ARFGEF3: variants seen among roughly 807,000 people sequenced by gnomAD.
ARFGEF3 encodes ARFGEF family member 3.
In ARFGEF3, 96 loss-of-function variants were observed where a neutral mutation model predicts 221.7. The observed-to-expected ratio is 0.43, with a 90% confidence interval of 0.37 to 0.51. The LOEUF is 0.51. Ranked by LOEUF, ARFGEF3 falls within the 20% of genes least tolerant of loss-of-function variation. ARFGEF3 has a pLI of 0.00. For missense variants in ARFGEF3, 2,410 were observed against 2,789.9 expected, an observed-to-expected ratio of 0.86 and a Z score of 3.07; for synonymous variants, 1,145 against 1,126.8, an observed-to-expected ratio of 1.02 and a Z score of -0.32.
chr6:138,172,510 T>C (rs567329576), intron 2 of ARFGEF3, among the ~76,000 whole-genome samples: 2 of 152,322 alleles, frequency 1.3e-5, no homozygotes, highest in East Asian at 1.9e-4. Context: ...GTGTCCATAC[T>C]GGTAAAGGGA....
chr6:138,282,580 G>C (rs974813135), intron 14 of ARFGEF3, among the ~76,000 whole-genome samples: 3 of 152,208 alleles, frequency 2.0e-5, no homozygotes. Context: ...ATACAGTGAG[G>C]TCTGTCCATG....
intron 2 of ARFGEF3, among the ~76,000 whole-genome samples, chr6:138,192,695 G>A (rs1024577164): frequency 6.6e-6 from 1 of 152,238 alleles, no homozygotes; most frequent in Admixed American, 6.5e-5. Context: ...CAGAGCTGGG[G>A]CGCTCCAGAG....
At chr6:138,238,844 C>T (rs369044712) in intron 6 of ARFGEF3, among the ~76,000 whole-genome samples, 6 of 152,166 alleles carry the variant, frequency 3.9e-5, no homozygotes, top group South Asian at 2.1e-4. Flanking sequence ...TTGCAGTTTC[C>T]GTGATTTTTT....
rs1387663511 is a variant in ARFGEF3, at chr6:138,256,757, T to A, written c.1104+988T>A. ...ATATATTTTTTTAATTCATAATAAA[T>A]TTGTGAGGTTGTATATCAACTTTTA... On this transcript the variant is annotated intron_variant, in intron 10 of 33. Coordinates refer to ENST00000251691, the MANE Select transcript of ARFGEF3 (RefSeq NM_020340.5). Among the ~76,000 whole-genome samples, 9 of 152,258 alleles carry A rather than the reference T, an allele frequency of 5.9e-5. No homozygotes were observed. The East Asian group carries it at 1.7e-3, about 29-fold the overall frequency.
In ARFGEF3 at chr6:138,263,247, A is replaced by G; in HGVS notation, c.1764A>G (p.Gly588=). The G allele has an allele frequency of 6.2e-7, 1 of 1,614,040 alleles. No homozygotes were observed. Among genetic ancestry groups the G allele is most frequent in the South Asian group, 1.1e-5 (1 of 91,082 alleles). ...TAGACTGCAGGACAAGGTCCTATGG[A>G]TCTAGGTATAGTGAGAGCAATTTTA... The part of the protein sequence containing the change: ...LSVDCRTRSY[G]SRYSESNFSV... Residue 588 remains glycine, a synonymous_variant, in exon 12 of 34, where the codon GGA becomes GGG. Transcript: ENST00000251691.
rs757018120 is a variant in ARFGEF3 at position 138,307,349 on chromosome 6, G to A, written c.3925G>A (p.Gly1309Arg). The change falls in exon 23 of 34, where the codon GGG (glycine) becomes AGG (arginine). Residue 1309 changes from glycine to arginine, a missense_variant. Transcript: ENST00000251691. ...LFSALETVHG[G>R]NKSEMKEYLV... Reference sequence around the variant, plus strand: ...CAGTGCCCTGGAAACAGTGCATGGCGGGAACAAGTCAGAGATGAAGGAGTA... The same window carrying A: ...CAGTGCCCTGGAAACAGTGCATGGCAGGAACAAGTCAGAGATGAAGGAGTA... 23 of 1,613,900 alleles carry A rather than the reference G, an allele frequency of 1.4e-5. No homozygotes were observed. The East Asian group carries it at 1.6e-4, about 11-fold the overall frequency.
intron 1 of ARFGEF3, among the ~76,000 whole-genome samples, chr6:138,166,949 T>A (rs1004517824): frequency 6.6e-5 from 10 of 152,240 alleles, no homozygotes; most frequent in Non-Finnish European, 7.3e-5. Flanking sequence ...AAATTGTATC[T>A]GTGTTCTCAC....
At chr6:138,223,119 A>C (rs1464809417) in intron 4 of ARFGEF3, among the ~76,000 whole-genome samples, 2 of 152,170 alleles carry the variant, frequency 1.3e-5, no homozygotes, top group African/African-American at 4.8e-5. Context: ...CACTTTCAGC[A>C]ATGAACACTC....
rs1329351196 is a variant in ARFGEF3 at position 138,337,722 on chromosome 6, G to A, written c.*1236G>A. On this transcript the variant is annotated 3_prime_UTR_variant, in exon 34 of 34. Coordinates refer to ENST00000251691, the MANE Select transcript of ARFGEF3 (RefSeq NM_020340.5). Reference sequence around the variant, plus strand: ...CTTTGCATTCAGACCAATATTTCAGGTGGATATTTCTAAGTATTACTAGAA... The same window carrying A: ...CTTTGCATTCAGACCAATATTTCAGATGGATATTTCTAAGTATTACTAGAA... 1 of 152,050 alleles carries A rather than the reference G, an allele frequency of 6.6e-6. No individual in the cohort carries two copies. The highest frequency in any genetic ancestry group is 1.5e-5 in the Non-Finnish European group (1 of 68,008). The allele number at this position is 152,050 out of a possible 1,614,324, so 9.4% of individuals were successfully genotyped here. A position where few individuals can be genotyped will look rare whatever the true frequency, so the allele number is the denominator to read the frequency against.
intron 20 of ARFGEF3, among the ~76,000 whole-genome samples, chr6:138,295,159 G>C (rs1371600567): frequency 1.3e-5 from 2 of 152,180 alleles, no homozygotes; most frequent in East Asian, 3.9e-4. Flanking sequence ...GGCCAGGAAG[G>C]GTCGGTAAAT....
chr6:138,294,130 A>G lies in ARFGEF3; in HGVS notation c.3502+4A>G. On this transcript the variant is annotated splice_donor_region_variant and intron_variant, in intron 20 of 33. Coordinates refer to ENST00000251691, the MANE Select transcript of ARFGEF3 (RefSeq NM_020340.5). ...GATTACTCTCTGGCAATGCCAGGTA[A>G]TTCTTTCCCTGAATAAACCATATGC... 1 of 1,613,424 alleles carries G rather than the reference A, an allele frequency of 6.2e-7. No individual in the cohort carries two copies.
Position 138,334,050 on chromosome 6 carries a change from A to G in ARFGEF3, c.5204A>G (p.Glu1735Gly). The change falls in exon 33 of 34, where the codon GAG becomes GGG. Residue 1735 changes from glutamate to glycine, a missense_variant. By Grantham distance (98) the Glu-to-Gly change is moderately conservative. Transcript: ENST00000251691. The surrounding 1 kb of genome is among the most constrained non-coding windows in gnomAD (Gnocchi z 5.1). ...LQNLYDILLE[E>G]FVKGPSPGEE... ...AACTTATATGACATCTTGTTAGAAGAGTTTGTCAAAGGCCCCTCTCCTGGA... is the reference window on the plus strand; with the variant it reads ...AACTTATATGACATCTTGTTAGAAGGGTTTGTCAAAGGCCCCTCTCCTGGA... 1 of 1,613,920 alleles carries G rather than the reference A, an allele frequency of 6.2e-7. No homozygotes were observed. The highest frequency in any genetic ancestry group is 8.5e-7 in the Non-Finnish European group (1 of 1,179,884).
chr6:138,317,237 T>A lies in ARFGEF3; in HGVS notation c.4346-14T>A, dbSNP rs1779941786. ...CTAACTGGATTTCATACAGGTCTGC[T>A]TTTTGGTTTCCAGGTCTGATAGAAG... On this transcript the variant is annotated splice_polypyrimidine_tract_variant and intron_variant, in intron 26 of 33. Coordinates refer to ENST00000251691, the MANE Select transcript of ARFGEF3 (RefSeq NM_020340.5). The A allele has an allele frequency of 6.2e-7, 1 of 1,609,540 alleles. No homozygotes were observed. Among genetic ancestry groups the A allele is most frequent in the African/African-American group, 1.3e-5 (1 of 74,562 alleles).
chr6:138,186,054 A>C (rs1445968261), intron 2 of ARFGEF3, among the ~76,000 whole-genome samples: 1 of 152,224 alleles, frequency 6.6e-6, no homozygotes, highest in African/African-American at 2.4e-5. Context: ...GTCTGACTCG[A>C]AAATTGTTTT....
chr6:138,332,486 C>T (rs1435872714), intron 32 of ARFGEF3, among the ~76,000 whole-genome samples: 1 of 152,064 alleles, frequency 6.6e-6, no homozygotes, highest in Non-Finnish European at 1.5e-5. Context: ...AAAAAATTTC[C>T]CTTTTTAGTA....
intron 21 of ARFGEF3, among the ~76,000 whole-genome samples, chr6:138,297,776 T>C (rs1779547912): frequency 6.6e-6 from 1 of 152,108 alleles, no homozygotes. Flanking sequence ...ATTCCATGAG[T>C]CAGAAATTTG....
Position 138,317,380 on chromosome 6 carries a change from G to A in ARFGEF3, c.4474+1G>A, listed in dbSNP as rs1779945173. 1 of 1,613,820 alleles carries A rather than the reference G, an allele frequency of 6.2e-7. No individual in the cohort carries two copies. Among genetic ancestry groups the A allele is most frequent in the Non-Finnish European group, 8.5e-7 (1 of 1,179,846 alleles). On this transcript the variant is annotated splice_donor_variant, in intron 27 of 33. Coordinates refer to ENST00000251691, the MANE Select transcript of ARFGEF3 (RefSeq NM_020340.5). LOFTEE classifies it high-confidence loss of function. ...TTGAGAGATGTGACGAAAACACCAG[G>A]TAAATATTTCTGTGTCCGTCTTTTG...
chr6:138,162,419 G>A lies in ARFGEF3; in HGVS notation c.85+248G>A, dbSNP rs150050867. Among the ~76,000 whole-genome samples, 2 of 152,274 alleles carry A rather than the reference G, an allele frequency of 1.3e-5. No individual in the cohort carries two copies. Among genetic ancestry groups the A allele is most frequent in the African/African-American group, 4.8e-5 (2 of 41,552 alleles). On this transcript the variant is annotated intron_variant, in intron 1 of 33. Coordinates refer to ENST00000251691, the MANE Select transcript of ARFGEF3 (RefSeq NM_020340.5). This position sits in a 1 kb window ranked among gnomAD's most constrained non-coding sequence, Gnocchi z 4.7. ...GGAACCGCTGTCCTCCCTGCCTGGC[G>A]GCCCCCTTCTCCTGGTCCCGGCGCT... is the stretch of plus-strand genomic sequence containing the variant.
intron 2 of ARFGEF3, among the ~76,000 whole-genome samples, chr6:138,187,163 C>A (rs1306976336): frequency 6.6e-6 from 1 of 152,138 alleles, no homozygotes; most frequent in Non-Finnish European, 1.5e-5. Context: ...GATCCACCTG[C>A]CTCGGCCTCC....
Sources: allele counts gnomAD v4.1 joint callset (sites outside exome capture counted in the v4.1 genomes callset), GRCh38; gene constraint gnomAD v4.1.1; non-coding constraint Gnocchi (gnomAD v3.1); transcripts MANE v1.5; gene names NCBI Gene and HGNC (gene_info 2026-07-23, HGNC 2026-07-21).